Variants in SHANK2 observed in about 807,000 individuals in gnomAD.
The protein encoded by SHANK2 is SH3 and multiple ankyrin repeat domains 2.
In SHANK2, 43 loss-of-function variants were observed where a neutral mutation model predicts 133.7. The observed-to-expected ratio is 0.32, with a 90% CI of 0.25 to 0.41. SHANK2 has a LOEUF of 0.41. SHANK2 is among the 10% of genes least tolerant of loss of function. The probability of loss-of-function intolerance (pLI) is 1.00; values close to 1 mark genes in which losing one functional copy is unlikely to be tolerated. For synonymous variants in SHANK2, 1,017 were observed against 952.8 expected (o/e 1.07, Z -1.24); for missense variants, 1,994 against 2,235.8 (o/e 0.89, Z 2.18).
intron 15 of SHANK2, among the ~76,000 whole-genome samples, chr11:70,675,076 G>T (rs1162526977): frequency 9.9e-5 from 15 of 152,204 alleles, no homozygotes; most frequent in African/African-American, 3.6e-4. Flanking sequence ...CAAGGAGAAC[G>T]CGTTTTAGAA....
chr11:71,088,350 G>A (rs1951447142), intron 8 of SHANK2, among the ~76,000 whole-genome samples: 2 of 152,140 alleles, frequency 1.3e-5, no homozygotes, highest in Non-Finnish European at 2.9e-5. Context: ...TATTGGTTCT[G>A]TTTTTCTGGA....
At chr11:70,583,935 C>A (rs557866153) in intron 17 of SHANK2, among the ~76,000 whole-genome samples, 1 of 152,342 alleles carries the variant, frequency 6.6e-6, no homozygotes, top group South Asian at 2.1e-4. Context: ...CCACTCTCTG[C>A]AGCTTGCTCA....
intron 9 of SHANK2, among the ~76,000 whole-genome samples, chr11:71,062,426 G>T (rs1950999030): frequency 1.3e-5 from 2 of 152,202 alleles, no homozygotes; most frequent in Non-Finnish European, 2.9e-5. Context: ...TCAGCAAAGG[G>T]AGAAGAGGGC....
intron 11 of SHANK2, chr11:70,864,930 G>A (rs1326931140): frequency 6.6e-6 from 1 of 152,440 alleles, no homozygotes; most frequent in African/African-American, 2.4e-5. Context: ...GGAGGCTGAG[G>A]TGGGAGGATG....
rs1950940115 is a variant in SHANK2, at chr11:71,057,903, C to G, written c.1030-1345G>C. On this transcript the variant is annotated intron_variant, in intron 9 of 25. Coordinates refer to ENST00000601538, the MANE Select transcript of SHANK2 (RefSeq NM_012309.5). The stretch of plus-strand genomic sequence containing the variant: ...TTATATTATTTAATGTTGTTAAAAG[C>G]AAGCAAAACGGTTTTTTTTTTTTTT... Among the ~76,000 whole-genome samples, 3 of 142,794 alleles carry G rather than the reference C, an allele frequency of 2.1e-5. No homozygotes were observed. In the South Asian group the frequency reaches 6.6e-4, roughly 32 times the overall value. 93.7% of individuals were successfully genotyped at this position (142,794 alleles called of 152,430 possible). A position where few individuals can be genotyped will look rare whatever the true frequency, so the allele number is the denominator to read the frequency against.
intron 14 of SHANK2, among the ~76,000 whole-genome samples, chr11:70,760,918 T>C (rs573960511): frequency 3.8e-4 from 58 of 152,298 alleles, no homozygotes; most frequent in Non-Finnish European, 6.5e-4. Context: ...AGAGCCATGT[T>C]TGCAGGGCTT....
chr11:70,707,189 C>T (rs112268642), intron 14 of SHANK2, among the ~76,000 whole-genome samples: 8,429 of 151,480 alleles, frequency 0.056, 797 homozygotes, highest in African/African-American at 0.19. Context: ...CTGGTCAACA[C>T]GGCAAAAACC....
In SHANK2 at chr11:70,486,160, A is replaced by G; in HGVS notation, c.4133T>C (p.Val1378Ala). ...AATCACCGCCTCTTCCATGGAGCCC[A>G]CCGCGACGATGGTTCTGCCGGGCAC... is the stretch of plus-strand genomic sequence containing the variant. ...TTVPGRTIVA[V>A]GSMEEAVILP... Residue 1378 changes from valine (V) to alanine (A), a missense_variant, in exon 25 of 26, where the codon GTG becomes GCG. Around this residue, in one of 5 missense-constraint regions of SHANK2, gnomAD observed 797 missense variants for 907.4 expected, o/e 0.88. Transcript: ENST00000601538. The surrounding 1 kb of genome is among the most constrained non-coding windows in gnomAD (Gnocchi z 8.0). The G allele has an allele frequency of 6.2e-7, 1 of 1,613,788 alleles. No homozygotes were observed. Among genetic ancestry groups the G allele is most frequent in the South Asian group, 1.1e-5 (1 of 91,058 alleles).
chr11:70,738,899 C>G (rs59979231), intron 14 of SHANK2, among the ~76,000 whole-genome samples: 55,600 of 152,174 alleles, frequency 0.37, 10,314 homozygotes, highest in Non-Finnish European at 0.37. Flanking sequence ...TGCTGCCCCC[C>G]TCGAATGGAG....
At chr11:70,909,449 T>C (rs569479460) in intron 10 of SHANK2, among the ~76,000 whole-genome samples, 78 of 152,276 alleles carry the variant, frequency 5.1e-4, no homozygotes, top group Non-Finnish European at 2.9e-5. Context: ...CTGATCATAA[T>C]GATAACTACC....
At chr11:70,758,242 C>A (rs892397829) in intron 14 of SHANK2, among the ~76,000 whole-genome samples, 1 of 152,218 alleles carries the variant, frequency 6.6e-6, no homozygotes, top group African/African-American at 2.4e-5. Flanking sequence ...TGGGTCCCCT[C>A]CCGTTGTATG....
At chr11:70,713,468 G>A (rs1163864312) in intron 14 of SHANK2, among the ~76,000 whole-genome samples, 1 of 152,252 alleles carries the variant, frequency 6.6e-6, no homozygotes, top group Non-Finnish European at 1.5e-5. Context: ...GCTTGGGCGT[G>A]GAGCAGCCAA....
chr11:70,863,534 C>A (rs1555068363), intron 11 of SHANK2: 1 of 458,028 alleles, frequency 2.2e-6, no homozygotes, highest in Non-Finnish European at 4.4e-6. Flanking sequence ...CATGCAAATC[C>A]TCATTTTAAC....
At position 70,487,987 on chromosome 11, in the gene SHANK2, G is replaced by A. The variant is rs2058836524; in HGVS notation, c.2573-267C>T. On this transcript the variant is annotated intron_variant, in intron 24 of 25. Coordinates refer to ENST00000601538, the MANE Select transcript of SHANK2 (RefSeq NM_012309.5). The surrounding 1 kb of genome is among the most constrained non-coding windows in gnomAD (Gnocchi z 5.8). ...GGCCTCCAGGCACAGGCTGCAGCAG[G>A]GGAGCTGTGTGAGGCCAGGGCAGGA... 6.6e-6 allele frequency among the ~76,000 whole-genome samples: 1 copy of A among 152,232 alleles called. No individual in the cohort carries two copies. The highest frequency in any genetic ancestry group is 2.4e-5 in the African/African-American group (1 of 41,450).
At chr11:71,154,305 G>T (rs1459262064) in intron 2 of SHANK2, among the ~76,000 whole-genome samples, 1 of 152,166 alleles carries the variant, frequency 6.6e-6, no homozygotes, top group Non-Finnish European at 1.5e-5. Context: ...AGGAATCCAG[G>T]TTCCATCGGA....
intron 3 of SHANK2, among the ~76,000 whole-genome samples, chr11:71,124,020 GTGA>G (rs1952125193): frequency 6.6e-6 from 1 of 151,254 alleles, no homozygotes; most frequent in Non-Finnish European, 1.5e-5. Context: ...GGTTGTAATG[GTGA>G]TGATGGTGGT....
chr11:70,744,286 C>A (rs949520829), intron 14 of SHANK2, among the ~76,000 whole-genome samples: 5 of 152,224 alleles, frequency 3.3e-5, no homozygotes, highest in Non-Finnish European at 7.3e-5. Flanking sequence ...GCGATCAGAT[C>A]CCAGGGAGGT....
intron 4 of SHANK2, among the ~76,000 whole-genome samples, chr11:71,113,706 G>A (rs1023012934): frequency 6.6e-6 from 1 of 152,202 alleles, no homozygotes; most frequent in African/African-American, 2.4e-5. Context: ...GAATGGATCA[G>A]CCCTTGGCAA....
intron 17 of SHANK2, among the ~76,000 whole-genome samples, chr11:70,625,455 G>T (rs1054864293): frequency 6.6e-6 from 1 of 152,128 alleles, no homozygotes; most frequent in Admixed American, 6.5e-5. Context: ...CTGTCAGACT[G>T]TCCAGCAGTC....
Sources: allele counts gnomAD v4.1 joint callset (sites outside exome capture counted in the v4.1 genomes callset), GRCh38; gene constraint gnomAD v4.1.1; regional missense constraint gnomAD v4.1.1; non-coding constraint Gnocchi (gnomAD v3.1); transcripts MANE v1.5; gene names NCBI Gene and HGNC (gene_info 2026-07-23, HGNC 2026-07-21).